The following ADAM22 variants were observed in gnomAD, a reference collection of about 807,000 sequenced individuals.
ADAM22 encodes the protein disintegrin and metalloproteinase domain-containing protein 22.
ADAM22 carries 65 observed loss-of-function variants against 144.6 expected under a neutral mutation model. The observed-to-expected ratio is 0.45, with a 90% CI of 0.37 to 0.55. ADAM22 has a LOEUF of 0.55. Ranked by LOEUF, ADAM22 falls within the 20% of genes least tolerant of loss-of-function variation. The probability of loss-of-function intolerance (pLI) is 0.00; values close to 1 mark genes in which losing one functional copy is unlikely to be tolerated. For missense variants in ADAM22, 974 were observed against 1,184.9 expected (o/e 0.82, Z 2.61); for synonymous variants, 391 against 412.6 (o/e 0.95, Z 0.63).
intron 3 of ADAM22, among the ~76,000 whole-genome samples, chr7:88,022,998 T>TG (rs1179520764): frequency 6.6e-6 from 1 of 152,348 alleles, no homozygotes; most frequent in Admixed American, 6.5e-5. Context: ...CATCGATTCA[T>TG]TACTTTTACT....
chr7:88,104,171 G>T (rs1823734697), intron 4 of ADAM22, among the ~76,000 whole-genome samples: 2 of 152,106 alleles, frequency 1.3e-5, no homozygotes, highest in African/African-American at 4.8e-5. Context: ...TAATGGAATA[G>T]TATGCCATCA....
At chr7:88,080,135 T>G (rs1401474121) in intron 4 of ADAM22, among the ~76,000 whole-genome samples, 3 of 152,146 alleles carry the variant, frequency 2.0e-5, no homozygotes, top group Admixed American at 6.6e-5. Context: ...ACAGAAATTA[T>G]AACAAACTGT....
In ADAM22 at chr7:88,145,425, T is replaced by C. The variant is rs1734266391; in HGVS notation, c.1403T>C (p.Leu468Pro). The change falls in exon 17 of 32, where the codon CTT becomes CCT. Residue 468 changes from leucine (L) to proline (P), a missense_variant. Around this residue, in one of 2 missense-constraint regions of ADAM22, gnomAD observed 734 missense variants for 950.6 expected, o/e 0.77. Coordinates refer to ENST00000413139, the MANE Select transcript of ADAM22 (RefSeq NM_001324418.2). ...CDCGTPAECV[L>P]EGAECCKKCT... ...GTTTATATTCCTTAGGAATGTGTCC[T>C]TGAAGGAGCAGAGTGTTGTAAGAAA... 1.2e-6 allele frequency: 2 copies of C among 1,613,152 alleles called. No individual in the cohort carries two copies. The highest frequency in any genetic ancestry group is 1.7e-6 in the Non-Finnish European group (2 of 1,179,342).
intron 4 of ADAM22, among the ~76,000 whole-genome samples, chr7:88,077,380 G>A (rs1363527386): frequency 6.6e-6 from 1 of 152,200 alleles, no homozygotes; most frequent in Non-Finnish European, 1.5e-5. Context: ...CAAGATGGCT[G>A]AATAGAACAG....
chr7:87,957,170 C>G (rs981616457), intron 2 of ADAM22, among the ~76,000 whole-genome samples: 6 of 152,186 alleles, frequency 3.9e-5, no homozygotes, highest in African/African-American at 1.4e-4. Context: ...GTTGAATCAA[C>G]ATGTGCCTCC....
intron 3 of ADAM22, among the ~76,000 whole-genome samples, chr7:88,007,112 A>G (rs1311647678): frequency 6.6e-6 from 1 of 152,186 alleles, no homozygotes; most frequent in South Asian, 2.1e-4. Context: ...CCAATAACAG[A>G]CAGAGAGTGA....
At chr7:88,154,855 A>T (rs1203889874) in intron 21 of ADAM22, among the ~76,000 whole-genome samples, 1 of 152,000 alleles carries the variant, frequency 6.6e-6, no homozygotes, top group African/African-American at 2.4e-5. Flanking sequence ...ACAGGTTCTA[A>T]TTTTTCTTTT....
chr7:87,960,879 A>C (rs1238093980), intron 2 of ADAM22, among the ~76,000 whole-genome samples: 1 of 152,182 alleles, frequency 6.6e-6, no homozygotes, highest in African/African-American at 2.4e-5. Context: ...CTCACTCCAA[A>C]AACATTTATT....
At chr7:88,129,813 A>G (rs1248893277) in intron 9 of ADAM22, among the ~76,000 whole-genome samples, 1 of 152,108 alleles carries the variant, frequency 6.6e-6, no homozygotes, top group African/African-American at 2.4e-5. Context: ...TGCTAATTTT[A>G]ACTGAAGCCA....
In ADAM22 at chr7:88,113,703, A is replaced by AATAAATAAATATATAT. The variant is rs1554478726; in HGVS notation, c.474-878_474-877insAATAAATATATATATA. ...TATATATATTATAAATAAATAAATA[A>AATAAATAAATATATAT]ATATATATATATATATATATATATA... On this transcript the variant is annotated intron_variant, in intron 5 of 31. Coordinates refer to ENST00000413139, the MANE Select transcript of ADAM22 (RefSeq NM_001324418.2). Among the ~76,000 whole-genome samples the AATAAATAAATATATAT allele has an allele frequency of 4.7e-3, 226 of 48,048 alleles. 2 individuals carry two copies. The highest frequency in any genetic ancestry group is 0.015 in the East Asian group (11 of 718). 31.5% of individuals were successfully genotyped at this position (48,048 alleles called of 152,430 possible).
At chr7:88,111,888 T>G (rs1329964070) in intron 5 of ADAM22, among the ~76,000 whole-genome samples, 2 of 152,220 alleles carry the variant, frequency 1.3e-5, no homozygotes, top group Non-Finnish European at 2.9e-5. Context: ...ATCTGTTGTC[T>G]TCATATTGCC....
At chr7:88,159,359 C>G (rs1840914923) in intron 22 of ADAM22, among the ~76,000 whole-genome samples, 2 of 152,050 alleles carry the variant, frequency 1.3e-5, no homozygotes, top group African/African-American at 4.8e-5. Context: ...CCTACTGAAA[C>G]TATTCAAAAA....
chr7:87,970,212 A>T (rs1850098772), intron 2 of ADAM22, among the ~76,000 whole-genome samples: 1 of 151,934 alleles, frequency 6.6e-6, no homozygotes, highest in Admixed American at 6.6e-5. Context: ...GCCTTTTCCG[A>T]TGTAGAAAAG....
intron 14 of ADAM22, among the ~76,000 whole-genome samples, chr7:88,138,992 G>A (rs1182455569): frequency 1.3e-5 from 2 of 152,134 alleles, no homozygotes; most frequent in African/African-American, 2.4e-5. Flanking sequence ...GACCCCTGAG[G>A]GTGCTTTTAC....
chr7:88,101,635 T>A (rs1353802970), intron 4 of ADAM22, among the ~76,000 whole-genome samples: 2 of 152,214 alleles, frequency 1.3e-5, no homozygotes, highest in Non-Finnish European at 2.9e-5. Context: ...CTTGATATTC[T>A]TATCTCACCT....
chr7:87,974,660 G>A (rs920627094), intron 2 of ADAM22, among the ~76,000 whole-genome samples: 1 of 152,196 alleles, frequency 6.6e-6, no homozygotes, highest in African/African-American at 2.4e-5. Flanking sequence ...TGCTGTATTA[G>A]TTTCCTGGTG....
intron 25 of ADAM22, among the ~76,000 whole-genome samples, chr7:88,170,214 A>G (rs1353372508): frequency 2.6e-5 from 4 of 152,056 alleles, no homozygotes; most frequent in East Asian, 1.9e-4. Context: ...TCTTCTTTAT[A>G]AATAACTAGC....
chr7:88,057,957 T>A (rs959734196), intron 3 of ADAM22, among the ~76,000 whole-genome samples: 6 of 152,222 alleles, frequency 3.9e-5, no homozygotes, highest in African/African-American at 1.4e-4. Flanking sequence ...ATAACGATTA[T>A]GTGCTCATGA....
intron 3 of ADAM22, among the ~76,000 whole-genome samples, chr7:88,043,484 C>CAA (rs537365074): frequency 0.011 from 969 of 92,160 alleles, 9 homozygotes; most frequent in African/African-American, 0.028. Flanking sequence ...GGCTCAGTAT[C>CAA]AAAAAAAAAA....
Sources: gnomAD v4.1 joint callset for allele counts (sites outside exome capture counted in the v4.1 genomes callset) on GRCh38, gnomAD v4.1.1 for gene constraint, gnomAD v4.1.1 regional missense constraint, MANE v1.5 for transcripts, NCBI Gene and HGNC (gene_info 2026-07-23, HGNC 2026-07-21) for gene names.